The following NUDCD3 variants were observed in gnomAD, a reference collection of about 807,000 sequenced individuals.
NUDCD3 encodes the protein nudC domain-containing protein 3.
NUDCD3 carries 13 observed loss-of-function variants against 39.7 expected under a neutral mutation model. The ratio of observed to expected loss-of-function variants is 0.33; its 90% CI spans 0.21 to 0.52. NUDCD3 has a LOEUF of 0.52. Ranked by LOEUF, NUDCD3 falls within the 20% of genes least tolerant of loss-of-function variation. The pLI is 0.96. For synonymous variants in NUDCD3, 175 were observed against 172.4 expected (o/e 1.02, Z -0.12); for missense variants, 453 against 458.1 (o/e 0.99, Z 0.10).
intron 3 of NUDCD3, among the ~76,000 whole-genome samples, chr7:44,422,883 T>C (rs935479863): frequency 6.6e-6 from 1 of 152,084 alleles, no homozygotes; most frequent in Admixed American, 6.6e-5. Flanking sequence ...AACGTCGATG[T>C]GAAAATCCTC....
intron 2 of NUDCD3, among the ~76,000 whole-genome samples, chr7:44,475,112 CT>C (rs369792184): frequency 2.1e-3 from 287 of 139,540 alleles, no homozygotes; most frequent in Admixed American, 2.4e-3. Flanking sequence ...AAATTCATTT[CT>C]TTTTTTTTTT....
intron 4 of NUDCD3, 42 bp downstream of exon 4, chr7:44,404,397 TG>T: frequency 6.3e-7 from 1 of 1,599,660 alleles, no homozygotes; most frequent in Non-Finnish European, 8.6e-7. Flanking sequence ...ACTGCAGGTT[TG>T]AAGTCCACCT....
chr7:44,461,957 T>C (rs888173709), intron 2 of NUDCD3, among the ~76,000 whole-genome samples: 8 of 152,126 alleles, frequency 5.3e-5, no homozygotes, highest in African/African-American at 1.9e-4. Flanking sequence ...AGTGTTCAAG[T>C]GCCTGGCTCC....
At chr7:44,477,879 G>A (rs375534449) in intron 2 of NUDCD3, among the ~76,000 whole-genome samples, 16 of 145,570 alleles carry the variant, frequency 1.1e-4, no homozygotes, top group African/African-American at 4.1e-4. Flanking sequence ...TGTCGCCCAG[G>A]CTGGAGTGCA....
At chr7:44,479,453 C>G (rs1242809391) in intron 2 of NUDCD3, among the ~76,000 whole-genome samples, 2 of 152,154 alleles carry the variant, frequency 1.3e-5, no homozygotes, top group African/African-American at 4.8e-5. Context: ...CTGAAAAACA[C>G]AGCAAGATCC....
chr7:44,414,077 C>T (rs1390296230), intron 3 of NUDCD3, among the ~76,000 whole-genome samples: 1 of 151,764 alleles, frequency 6.6e-6, no homozygotes, highest in Middle Eastern at 3.2e-3. Flanking sequence ...AATACATATA[C>T]CTTTCAATAT....
intron 2 of NUDCD3, chr7:44,481,394 T>A (rs929926974): frequency 1.3e-5 from 2 of 152,282 alleles, no homozygotes; most frequent in African/African-American, 4.8e-5. Flanking sequence ...AGAAATTTCT[T>A]CTACTTCAGG....
chr7:44,421,621 T>C (rs1261753775), intron 3 of NUDCD3, among the ~76,000 whole-genome samples: 1 of 151,950 alleles, frequency 6.6e-6, no homozygotes, highest in African/African-American at 2.4e-5. Flanking sequence ...AAGAGCTAAC[T>C]ATCCTAAATA....
intron 2 of NUDCD3, among the ~76,000 whole-genome samples, chr7:44,430,570 TCACACACACACACA>T (rs58853542): frequency 1.6e-5 from 2 of 125,838 alleles, no homozygotes; most frequent in Non-Finnish European, 3.5e-5. Context: ...ACACACACAC[TCACACACACACACA>T]CACACACACA....
chr7:44,436,881 G>T (rs1297103482), intron 2 of NUDCD3, among the ~76,000 whole-genome samples: 1 of 151,984 alleles, frequency 6.6e-6, no homozygotes, highest in African/African-American at 2.4e-5. Flanking sequence ...CGTCTATCTG[G>T]TCAACACAAA....
intron 3 of NUDCD3, among the ~76,000 whole-genome samples, chr7:44,409,202 C>T (rs999415129): frequency 1.3e-5 from 2 of 152,194 alleles, no homozygotes; most frequent in African/African-American, 2.4e-5. Context: ...AAGCTCTCAC[C>T]TCTGGCTGAC....
chr7:44,466,593 A>C (rs1228144353), intron 2 of NUDCD3, among the ~76,000 whole-genome samples: 1 of 152,136 alleles, frequency 6.6e-6, no homozygotes, highest in Non-Finnish European at 1.5e-5. Context: ...TGCCTTCAAA[A>C]ATTAGGGGAA....
At chr7:44,482,938 T>C (rs1800522474) in intron 2 of NUDCD3, among the ~76,000 whole-genome samples, 1 of 151,982 alleles carries the variant, frequency 6.6e-6, no homozygotes, top group Admixed American at 6.5e-5. Flanking sequence ...AAATAAACTA[T>C]CTGAAATTAA....
At chr7:44,427,443 G>A (rs1799257552) in intron 3 of NUDCD3, 128 bp downstream of exon 3, 3 of 1,017,660 alleles carry the variant, frequency 2.9e-6, no homozygotes, top group Non-Finnish European at 4.3e-6. Context: ...CCGAGGGCAG[G>A]AGAAGGAACA....
chr7:44,440,396 C>T (rs1408000619), intron 2 of NUDCD3, among the ~76,000 whole-genome samples: 2 of 148,762 alleles, frequency 1.3e-5, no homozygotes, highest in African/African-American at 5.0e-5. Flanking sequence ...TTGCCACAGA[C>T]TGAAGGTGAC....
intron 3 of NUDCD3, among the ~76,000 whole-genome samples, chr7:44,417,228 C>A (rs1311664771): frequency 6.6e-6 from 1 of 152,182 alleles, no homozygotes; most frequent in African/African-American, 2.4e-5. Context: ...AGAGCCACAT[C>A]ATCTTAGAGG....
At chr7:44,416,601 A>C (rs1022294989) in intron 3 of NUDCD3, among the ~76,000 whole-genome samples, 1 of 152,202 alleles carries the variant, frequency 6.6e-6, no homozygotes, top group Non-Finnish European at 1.5e-5. Context: ...CCCATAGGAG[A>C]TGAAGCATGC....
intron 2 of NUDCD3, among the ~76,000 whole-genome samples, chr7:44,462,945 CTGTGTGTGTGTGTGTGTGTGTGTGTG>C (rs3138779): frequency 2.0e-5 from 3 of 146,788 alleles, no homozygotes; most frequent in East Asian, 4.1e-4. Flanking sequence ...CACAACCAGG[CTGTGTGTGTGTGTGTGTGTGTGTGTG>C]TGTGTGTGTG....
intron 3 of NUDCD3, among the ~76,000 whole-genome samples, chr7:44,411,128 A>G (rs986739726): frequency 1.3e-5 from 2 of 152,236 alleles, no homozygotes; most frequent in African/African-American, 4.8e-5. Flanking sequence ...ATTCAAAATG[A>G]AGTTGGACAA....
Sources: allele counts gnomAD v4.1 joint callset (sites outside exome capture counted in the v4.1 genomes callset), GRCh38; gene constraint gnomAD v4.1.1; transcripts MANE v1.5; gene names NCBI Gene and HGNC (gene_info 2026-07-23, HGNC 2026-07-21).